NCOA7: variants seen among roughly 807,000 people sequenced by gnomAD.
The protein encoded by NCOA7 is nuclear receptor coactivator 7.
A neutral mutation model predicts 104.3 loss-of-function variants in NCOA7; 45 were observed. That is an observed-to-expected ratio of 0.43 (90% CI 0.34 to 0.55). The LOEUF (loss-of-function observed/expected upper bound fraction) is 0.55. Ranked by LOEUF, NCOA7 falls within the 20% of genes least tolerant of loss-of-function variation. The pLI is 0.02. For synonymous variants in NCOA7, 398 were observed against 402.3 expected, an observed-to-expected ratio of 0.99 and a Z score of 0.13; for missense variants, 1,041 against 1,119.7, an observed-to-expected ratio of 0.93 and a Z score of 1.00.
chr6:125,815,400 G>A lies in NCOA7; in HGVS notation c.46G>A (p.Ala16Thr). ...EKKERKQSYF[A>T]RLKKKKQAKQ... ...GAAGGAACGGAAACAAAGTTATTTT[G>A]CTCGGTAAGCATTCATTTTACAAAA... is the stretch of plus-strand genomic sequence containing the variant. Residue 16 changes from alanine to threonine, a missense_variant, in exon 2 of 16, where the codon GCT becomes ACT. Transcript: ENST00000392477. 1.2e-6 allele frequency: 2 copies of A among 1,607,950 alleles called. No individual in the cohort carries two copies. Among genetic ancestry groups the A allele is most frequent in the African/African-American group, 1.3e-5 (1 of 74,920 alleles).
At chr6:125,916,783 C>T (rs919605696) in intron 11 of NCOA7, among the ~76,000 whole-genome samples, 2 of 152,168 alleles carry the variant, frequency 1.3e-5, no homozygotes, top group African/African-American at 2.4e-5. Flanking sequence ...AGAACCTGTC[C>T]ACCAGGGAGA....
chr6:125,787,057 A>C (rs1449880058), upstream of NCOA7, among the ~76,000 whole-genome samples: 1 of 151,390 alleles, frequency 6.6e-6, no homozygotes, highest in Non-Finnish European at 1.5e-5. Context: ...TGAGGTGGGA[A>C]GATCAATGGA....
intron 3 of NCOA7, chr6:125,855,727 A>T (rs1781496310): frequency 6.6e-6 from 1 of 152,348 alleles, no homozygotes; most frequent in Non-Finnish European, 1.5e-5. Context: ...TCTGTCCCCT[A>T]GGCTGGTGTG....
chr6:125,868,475 A>G (rs556254320), intron 3 of NCOA7, among the ~76,000 whole-genome samples: 29 of 152,350 alleles, frequency 1.9e-4, no homozygotes, highest in African/African-American at 6.0e-4. Context: ...CCGTTGCACA[A>G]AGATTTAGCT....
At chr6:125,825,984 T>C (rs1229066674) in intron 2 of NCOA7, among the ~76,000 whole-genome samples, 1 of 152,160 alleles carries the variant, frequency 6.6e-6, no homozygotes, top group African/African-American at 2.4e-5. Flanking sequence ...ATATAAAAAT[T>C]AGTTGTAAGC....
chr6:125,889,236 T>C lies in NCOA7; in HGVS notation c.1182T>C (p.Pro394=). The part of the protein sequence containing the change: ...SPTVTKLSKE[P]SDTSSAFEST... ...CAGTGACTAAGCTCAGCAAGGAACC[T>C]TCCGACACTTCTTCTGCATTTGAAT... Residue 394 remains proline (P), a synonymous_variant, in exon 9 of 16, where the codon CCT becomes CCC. Coordinates refer to ENST00000392477, the MANE Select transcript of NCOA7 (RefSeq NM_181782.5). 1 of 1,613,978 alleles carries C rather than the reference T, an allele frequency of 6.2e-7. No homozygotes were observed. The highest frequency in any genetic ancestry group is 2.2e-5 in the East Asian group (1 of 44,860).
At chr6:125,902,082 G>C (rs1785552104) in intron 10 of NCOA7, among the ~76,000 whole-genome samples, 1 of 152,112 alleles carries the variant, frequency 6.6e-6, no homozygotes, top group African/African-American at 2.4e-5. Context: ...TGCAGGGTAG[G>C]GGGTGTGGCA....
chr6:125,808,489 G>A (rs138451219), intron 1 of NCOA7, among the ~76,000 whole-genome samples: 237 of 152,242 alleles, frequency 1.6e-3, no homozygotes, highest in Non-Finnish European at 2.5e-3. Context: ...TACTTGGTCC[G>A]TGATAGATGT....
intron 13 of NCOA7, among the ~76,000 whole-genome samples, chr6:125,925,407 T>C (rs1237203463): frequency 6.6e-6 from 1 of 152,226 alleles, no homozygotes; most frequent in Non-Finnish European, 1.5e-5. Context: ...GTAAACTTCA[T>C]AGTCTGGCCA....
intron 3 of NCOA7, among the ~76,000 whole-genome samples, chr6:125,873,698 T>C (rs1302401000): frequency 6.6e-6 from 1 of 152,238 alleles, no homozygotes; most frequent in Admixed American, 6.5e-5. Flanking sequence ...ATGAGCTATA[T>C]ATACTTAATT....
chr6:125,802,285 C>T (rs188397779), intron 1 of NCOA7: 11 of 152,228 alleles, frequency 7.2e-5, no homozygotes, highest in Admixed American at 7.2e-4. Flanking sequence ...GGGTTATATA[C>T]ACAAATATGT....
rs1787688923 is a variant in NCOA7, at chr6:125,922,716, A to G, written c.2405A>G (p.Tyr802Cys). The G allele has an allele frequency of 6.2e-7, 1 of 1,613,748 alleles. No homozygotes were observed. Among genetic ancestry groups the G allele is most frequent in the Non-Finnish European group, 8.5e-7 (1 of 1,179,996 alleles). Residue 802 changes from tyrosine to cysteine, a missense_variant, in exon 13 of 16, where the codon TAT becomes TGT. By Grantham distance (194) the Tyr-to-Cys change is radical. Coordinates refer to ENST00000392477, the MANE Select transcript of NCOA7 (RefSeq NM_181782.5). ...ARRLPARVQG[Y>C]PWRLAYSTLE... is the part of the protein sequence containing the mutation. Reference sequence around the variant, plus strand: ...CGCCTTCCTGCAAGGGTGCAAGGGTATCCATGGAGACTGGCCTATAGCACG... The same window carrying G: ...CGCCTTCCTGCAAGGGTGCAAGGGTGTCCATGGAGACTGGCCTATAGCACG...
intron 10 of NCOA7, among the ~76,000 whole-genome samples, chr6:125,894,697 A>G (rs1784871422): frequency 6.6e-6 from 1 of 152,080 alleles, no homozygotes; most frequent in Non-Finnish European, 1.5e-5. Flanking sequence ...AATGAACCAG[A>G]CACACTGATT....
At chr6:125,818,226 G>A (rs545593929) in intron 2 of NCOA7, among the ~76,000 whole-genome samples, 12 of 152,172 alleles carry the variant, frequency 7.9e-5, no homozygotes, top group Admixed American at 7.2e-4. Flanking sequence ...GGTAACTGCC[G>A]GTTCATGAAC....
chr6:125,801,482 T>C (rs1209145334), intron 1 of NCOA7, among the ~76,000 whole-genome samples: 1 of 152,192 alleles, frequency 6.6e-6, no homozygotes, highest in East Asian at 1.9e-4. Context: ...TGTATAAAAG[T>C]AATTTAAAAT....
In NCOA7 at chr6:125,863,929, T is replaced by A. The variant is rs1463760077; in HGVS notation, c.271+8689T>A. On this transcript the variant is annotated intron_variant, in intron 3 of 15. Transcript: ENST00000392477. The stretch of plus-strand genomic sequence containing the variant: ...TTTCCTAATACCACACACTTGTGGG[T>A]GAGGATTTCAACATATGAATTTTGG... Among the ~76,000 whole-genome samples the A allele has an allele frequency of 2.9e-5, 4 of 137,546 alleles. 1 individual carries two copies. Among genetic ancestry groups the A allele is most frequent in the African/African-American group, 1.2e-4 (4 of 32,846 alleles). 90.2% of individuals were successfully genotyped at this position (137,546 alleles called of 152,430 possible).
At chr6:125,890,382 A>G (rs1784541499) in intron 9 of NCOA7, among the ~76,000 whole-genome samples, 1 of 152,062 alleles carries the variant, frequency 6.6e-6, no homozygotes, top group Non-Finnish European at 1.5e-5. Context: ...ATTCTCTATT[A>G]TTTGCTATTC....
Position 125,924,809 on chromosome 6 carries a change from G to A in NCOA7, c.2523+1975G>A, listed in dbSNP as rs532810456. On this transcript the variant is annotated intron_variant, in intron 13 of 15. Coordinates refer to ENST00000392477, the MANE Select transcript of NCOA7 (RefSeq NM_181782.5). ...AGTGGTTCCACTCTGGGCATGTATGGCCAAGAAGATGGGGCACTCTCTTCC... is the reference window on the plus strand; with the variant it reads ...AGTGGTTCCACTCTGGGCATGTATGACCAAGAAGATGGGGCACTCTCTTCC... Among the ~76,000 whole-genome samples the A allele has an allele frequency of 4.6e-5, 7 of 152,270 alleles. 1 individual carries two copies. In the South Asian group the frequency reaches 1.5e-3, roughly 32 times the overall value.
At chr6:125,836,362 A>C (rs1583332420) in intron 2 of NCOA7, among the ~76,000 whole-genome samples, 1 of 152,168 alleles carries the variant, frequency 6.6e-6, no homozygotes, top group African/African-American at 2.4e-5. Context: ...TTTTTAAGGG[A>C]CCCTTTGATG....
Sources: allele counts gnomAD v4.1 joint callset (sites outside exome capture counted in the v4.1 genomes callset), GRCh38; gene constraint gnomAD v4.1.1; transcripts MANE v1.5; gene names NCBI Gene and HGNC (gene_info 2026-07-23, HGNC 2026-07-21).